Variants in FRMPD4 observed in about 807,000 individuals in gnomAD.
The protein encoded by FRMPD4 is FERM and PDZ domain containing 4.
In FRMPD4, 22 loss-of-function variants were observed where a neutral mutation model predicts 94.1. The ratio of observed to expected loss-of-function variants is 0.23; its 90% CI spans 0.17 to 0.33. FRMPD4 has a LOEUF of 0.33. Ranked by LOEUF, FRMPD4 falls within the 10% of genes least tolerant of loss-of-function variation. The pLI is 1.00. For synonymous variants in FRMPD4, 631 were observed against 548.6 expected, an observed-to-expected ratio of 1.15 and a Z score of -2.10; for missense variants, 1,111 against 1,339.9, an observed-to-expected ratio of 0.83 and a Z score of 2.67.
At chrX:12,286,064 G>T (rs748397761) in intron 1 of FRMPD4, among the ~76,000 whole-genome samples, 2 of 111,774 alleles carry the variant, frequency 1.8e-5, no homozygotes, top group Non-Finnish European at 3.8e-5. Context: ...TTCCATGATG[G>T]TTCTTTTCTT....
intron 2 of FRMPD4, among the ~76,000 whole-genome samples, chrX:12,570,852 G>A (rs1004267442): frequency 9.0e-6 from 1 of 111,076 alleles, no homozygotes; most frequent in Non-Finnish European, 1.9e-5. Context: ...CCAGAGCACG[G>A]TAGAGCAGAA....
In FRMPD4 at chrX:12,690,311, G is replaced by A; in HGVS notation, c.798G>A (p.Gln266=). The A allele has an allele frequency of 1.7e-6, 2 of 1,209,543 alleles. No individual in the cohort carries two copies. The highest frequency in any genetic ancestry group is 1.1e-6 in the Non-Finnish European group (1 of 893,820). ...CGAAGCTGCTCTTGCTTCATGAACAGGAGACTCTAACTCAGGTCTGTGAAA... is the reference window on the plus strand; with the variant it reads ...CGAAGCTGCTCTTGCTTCATGAACAAGAGACTCTAACTCAGGTCTGTGAAA... ...AGTKLLLLHE[Q]ETLTQVTQRP... The change falls in exon 8 of 17, where the codon CAG becomes CAA. Residue 266 remains glutamine, a synonymous_variant. Coordinates refer to ENST00000675598, the MANE Select transcript of FRMPD4 (RefSeq NM_001368397.1).
At chrX:12,600,100 GC>G (rs1358498320) in intron 2 of FRMPD4, among the ~76,000 whole-genome samples, 1 of 110,923 alleles carries the variant, frequency 9.0e-6, no homozygotes, top group Non-Finnish European at 1.9e-5. Flanking sequence ...TGCAAGTTCA[GC>G]TTATTTCTTT....
intron 3 of FRMPD4, among the ~76,000 whole-genome samples, chrX:12,069,511 T>G (rs1469752587): frequency 8.9e-6 from 1 of 111,774 alleles, no homozygotes; most frequent in Non-Finnish European, 1.9e-5. Context: ...TGGATATACA[T>G]CTTTAGAAGT....
intron 3 of FRMPD4, among the ~76,000 whole-genome samples, chrX:11,944,924 C>A (rs2054180840): frequency 8.9e-6 from 1 of 112,249 alleles, no homozygotes; most frequent in South Asian, 3.7e-4. Flanking sequence ...TCTGTGTTTT[C>A]CAATGAAAAT....
chrX:11,984,548 A>G (rs1226181774), intron 3 of FRMPD4, among the ~76,000 whole-genome samples: 2 of 112,445 alleles, frequency 1.8e-5, no homozygotes, highest in African/African-American at 6.5e-5. Flanking sequence ...CAGAGTGGAA[A>G]GTTTGCTTGA....
intron 8 of FRMPD4, among the ~76,000 whole-genome samples, chrX:12,693,922 T>G (rs188597195): frequency 1.8e-5 from 2 of 111,564 alleles, no homozygotes; most frequent in Non-Finnish European, 3.8e-5. Context: ...GAATGACTCA[T>G]CAGTGCTCCT....
chrX:11,867,385 A>G (rs1391517055), intron 2 of FRMPD4, among the ~76,000 whole-genome samples: 1 of 111,641 alleles, frequency 9.0e-6, no homozygotes, highest in Non-Finnish European at 1.9e-5. Context: ...GTATTCACTT[A>G]GTTACAGCTA....
intron 1 of FRMPD4, among the ~76,000 whole-genome samples, chrX:12,372,528 T>G (rs73448335): frequency 0.02 from 2,270 of 112,960 alleles, 56 homozygotes; most frequent in African/African-American, 0.069. Context: ...CAGGACCTGC[T>G]GGAATGTTCC....
intron 3 of FRMPD4, among the ~76,000 whole-genome samples, chrX:12,025,551 T>A: frequency 8.9e-6 from 1 of 112,062 alleles, no homozygotes; most frequent in East Asian, 2.8e-4. Flanking sequence ...ACTGAATTGC[T>A]TCTAATGAAT....
At chrX:12,120,576 T>C (rs987392016) in intron 3 of FRMPD4, among the ~76,000 whole-genome samples, 1 of 111,513 alleles carries the variant, frequency 9.0e-6, no homozygotes, top group African/African-American at 3.3e-5. Flanking sequence ...GTGACCTGTA[T>C]CTGACTAAGT....
upstream of FRMPD4, among the ~76,000 whole-genome samples, chrX:12,134,799 C>G: frequency 9.2e-6 from 1 of 108,888 alleles, no homozygotes; most frequent in South Asian, 3.9e-4. Context: ...ATCTTACAGG[C>G]TGAAACTTTT....
intron 14 of FRMPD4, among the ~76,000 whole-genome samples, chrX:12,713,750 C>T (rs1395835900): frequency 8.9e-6 from 1 of 111,776 alleles, no homozygotes; most frequent in East Asian, 2.8e-4. Flanking sequence ...TAGATCCCAG[C>T]CCCCAAACCA....
intron 2 of FRMPD4, among the ~76,000 whole-genome samples, chrX:12,554,530 A>T (rs768069712): frequency 8.9e-6 from 1 of 112,754 alleles, no homozygotes; most frequent in Non-Finnish European, 1.9e-5. Flanking sequence ...TACATTGTGT[A>T]TAAGTATTCT....
intron 1 of FRMPD4, among the ~76,000 whole-genome samples, chrX:12,194,843 A>C (rs1043181336): frequency 8.9e-6 from 1 of 112,001 alleles, no homozygotes; most frequent in Non-Finnish European, 1.9e-5. Context: ...AACAATGCCA[A>C]CATGAAATGG....
At chrX:12,468,717 A>G (rs1050345463) in intron 1 of FRMPD4, among the ~76,000 whole-genome samples, 1 of 111,995 alleles carries the variant, frequency 8.9e-6, no homozygotes. Flanking sequence ...CCCCCTTACT[A>G]TGGGATTCCA....
intron 3 of FRMPD4, among the ~76,000 whole-genome samples, chrX:11,950,468 G>GTA (rs1384181568): frequency 9.0e-6 from 1 of 111,629 alleles, no homozygotes; most frequent in African/African-American, 3.3e-5. Flanking sequence ...ATACAACACA[G>GTA]TATTATTAAT....
chrX:12,027,253 T>C (rs2054666411), intron 3 of FRMPD4, among the ~76,000 whole-genome samples: 1 of 112,422 alleles, frequency 8.9e-6, no homozygotes, highest in Admixed American at 9.4e-5. Flanking sequence ...TTAAACTCCT[T>C]ATGACTAAGG....
intron 2 of FRMPD4, among the ~76,000 whole-genome samples, chrX:12,561,049 G>T (rs891086878): frequency 1.8e-5 from 2 of 110,084 alleles, no homozygotes; most frequent in Non-Finnish European, 3.8e-5. Context: ...GATTACAGGC[G>T]TGAGCCACCG....
Sources: gnomAD v4.1 joint callset for allele counts (sites outside exome capture counted in the v4.1 genomes callset) on GRCh38, gnomAD v4.1.1 for gene constraint, MANE v1.5 for transcripts, NCBI Gene and HGNC (gene_info 2026-07-23, HGNC 2026-07-21) for gene names.